Variants in ST8SIA6 observed in about 807,000 individuals in gnomAD.
ST8SIA6 encodes ST8 alpha-N-acetyl-neuraminide alpha-2,8-sialyltransferase 6.
Under a neutral mutation model 33.6 loss-of-function variants are expected in ST8SIA6, and 39 were observed. That is an observed-to-expected ratio of 1.16 (90% CI 0.90 to 1.52). The LOEUF (loss-of-function observed/expected upper bound fraction) is 1.52. Among genes scored for constraint, ST8SIA6 ranks in the 40% most tolerant of loss-of-function variants. ST8SIA6 has a pLI of 0.00. For synonymous variants in ST8SIA6, 172 were observed against 167.2 expected (o/e 1.03, Z -0.22); for missense variants, 441 against 443.8 (o/e 0.99, Z 0.06).
intron 4 of ST8SIA6, among the ~76,000 whole-genome samples, chr10:17,349,230 A>T (rs1361335334): frequency 6.6e-6 from 1 of 152,224 alleles, no homozygotes; most frequent in Non-Finnish European, 1.5e-5. Flanking sequence ...AACGTGGTAT[A>T]ATCCATATGA....
At chr10:17,361,791 T>C (rs187482426) in intron 3 of ST8SIA6, among the ~76,000 whole-genome samples, 101 of 151,320 alleles carry the variant, frequency 6.7e-4, no homozygotes, top group South Asian at 1.3e-3. Context: ...TATTATTGAA[T>C]TGAATCCAAC....
intron 3 of ST8SIA6, among the ~76,000 whole-genome samples, chr10:17,380,869 G>T (rs1320285366): frequency 1.4e-5 from 2 of 141,736 alleles, no homozygotes; most frequent in African/African-American, 5.2e-5. Flanking sequence ...GTATGTGTTT[G>T]TATGTGTACA....
intron 2 of ST8SIA6, among the ~76,000 whole-genome samples, chr10:17,414,970 G>A (rs1041877800): frequency 1.3e-5 from 2 of 151,840 alleles, no homozygotes; most frequent in African/African-American, 2.4e-5. Context: ...GCTCCTGCCC[G>A]TCTCACTTTC....
At chr10:17,352,109 C>A (rs1849051732) in intron 4 of ST8SIA6, among the ~76,000 whole-genome samples, 1 of 151,676 alleles carries the variant, frequency 6.6e-6, no homozygotes, top group African/African-American at 2.4e-5. Flanking sequence ...ATAATTATTC[C>A]ACAGTGTATG....
At chr10:17,414,219 T>C (rs188704155) in intron 2 of ST8SIA6, among the ~76,000 whole-genome samples, 163 of 152,368 alleles carry the variant, frequency 1.1e-3, no homozygotes, top group Non-Finnish European at 1.9e-3. Context: ...AGAGAAACTC[T>C]CCTGAATGAT....
At chr10:17,321,387 TAATC>T (rs770435972) in intron 7 of ST8SIA6, 41 bp from the exon 8 acceptor site, 5 of 1,482,360 alleles carry the variant, frequency 3.4e-6, no homozygotes, top group Non-Finnish European at 4.5e-6. Context: ...CCAAGAATAA[TAATC>T]AAAGTAGCAG....
intron 4 of ST8SIA6, among the ~76,000 whole-genome samples, chr10:17,353,860 C>T (rs1849108735): frequency 6.6e-6 from 1 of 151,990 alleles, no homozygotes; most frequent in South Asian, 2.1e-4. Flanking sequence ...CTGACGATGT[C>T]TATAAAAATC....
intron 4 of ST8SIA6, among the ~76,000 whole-genome samples, chr10:17,347,672 G>T (rs1848880799): frequency 6.6e-6 from 1 of 151,950 alleles, no homozygotes. Flanking sequence ...CCCTCCAGGG[G>T]TCTAATTGCA....
chr10:17,450,063 C>T (rs112770155), intron 2 of ST8SIA6, among the ~76,000 whole-genome samples: 1,706 of 152,170 alleles, frequency 0.011, 26 homozygotes, highest in African/African-American at 0.039. Flanking sequence ...TTAGATGAGG[C>T]CCAGAAATAG....
At chr10:17,397,233 G>T (rs10904947) in intron 2 of ST8SIA6, among the ~76,000 whole-genome samples, 42,663 of 124,008 alleles carry the variant, frequency 0.34, 8,026 homozygotes, top group East Asian at 0.58. Context: ...ATTGTTTTTT[G>T]TTTTTTTTTT....
intron 5 of ST8SIA6, among the ~76,000 whole-genome samples, chr10:17,329,569 C>T (rs1485469257): frequency 6.6e-6 from 1 of 152,058 alleles, no homozygotes; most frequent in Non-Finnish European, 1.5e-5. Flanking sequence ...ATGGTGCCAC[C>T]ATAAATTCTG....
intron 3 of ST8SIA6, among the ~76,000 whole-genome samples, chr10:17,375,100 C>T (rs1027689113): frequency 6.6e-6 from 1 of 151,934 alleles, no homozygotes; most frequent in African/African-American, 2.4e-5. Context: ...CCATGCCCAG[C>T]TCTGGAACTC....
rs1847784772 is a variant in ST8SIA6, at chr10:17,316,580, A to G, written c.*4298T>C. 6.6e-6 allele frequency among the ~76,000 whole-genome samples: 1 copy of G among 152,010 alleles called. No homozygotes were observed. Among genetic ancestry groups the G allele is most frequent in the Admixed American group, 6.6e-5 (1 of 15,232 alleles). ...ATATGATGAATTTTACTAACTCAGTACTCCTAGGTTGCTTTCCAAAATGAT... is the reference window on the plus strand; with the variant it reads ...ATATGATGAATTTTACTAACTCAGTGCTCCTAGGTTGCTTTCCAAAATGAT... On this transcript the variant is annotated 3_prime_UTR_variant, in exon 8 of 8. Transcript: ENST00000377602.
At chr10:17,424,082 C>T (rs1029791886) in intron 2 of ST8SIA6, among the ~76,000 whole-genome samples, 2 of 151,990 alleles carry the variant, frequency 1.3e-5, no homozygotes, top group African/African-American at 2.4e-5. Flanking sequence ...TACCTTTGAC[C>T]TCTATAACAT....
intron 2 of ST8SIA6, among the ~76,000 whole-genome samples, chr10:17,420,166 C>A (rs1399272033): frequency 6.6e-6 from 1 of 152,254 alleles, no homozygotes; most frequent in Admixed American, 6.5e-5. Context: ...GTAATCCCAG[C>A]ACTTTCGGAG....
intron 3 of ST8SIA6, among the ~76,000 whole-genome samples, chr10:17,365,465 G>C (rs924068305): frequency 2.0e-5 from 3 of 152,264 alleles, no homozygotes; most frequent in African/African-American, 4.8e-5. Context: ...GAACCTTCCA[G>C]AAATAAACAA....
chr10:17,437,733 CCTTTCTCT>C (rs981427269), intron 2 of ST8SIA6, among the ~76,000 whole-genome samples: 1 of 150,266 alleles, frequency 6.7e-6, no homozygotes, highest in African/African-American at 2.5e-5. Context: ...CCCTTCCCTC[CCTTTCTCT>C]CTTTCTCTCT....
chr10:17,362,756 G>A (rs946229131), intron 3 of ST8SIA6, among the ~76,000 whole-genome samples: 1 of 152,128 alleles, frequency 6.6e-6, no homozygotes. Context: ...TTGTTGCCCA[G>A]GCTGGAGTGC....
At position 17,359,542 on chromosome 10, in the gene ST8SIA6, G is replaced by A. The variant is rs376751437; in HGVS notation, c.349C>T (p.Arg117Trp). 59 of 1,605,858 alleles carry A rather than the reference G, an allele frequency of 3.7e-5. No homozygotes were observed. The Admixed American group carries it at 6.3e-4, about 17-fold the overall frequency. The change falls in exon 4 of 8, where the codon CGG (arginine) becomes TGG (tryptophan). Residue 117 changes from arginine to tryptophan, a missense_variant. Physicochemically the swap from Arg to Trp is moderately radical, Grantham distance 101. Transcript: ENST00000377602. The stretch of plus-strand genomic sequence containing the variant: ...AAATTTGCATATTCTTCTGCTTGCC[G>A]TTTCCATGGACAACTCTGTATATCT... ...ITDIQSCPWK[R>W]QAEEYANFRA...
Sources: gnomAD v4.1 joint callset for allele counts (sites outside exome capture counted in the v4.1 genomes callset) on GRCh38, gnomAD v4.1.1 for gene constraint, MANE v1.5 for transcripts, NCBI Gene and HGNC (gene_info 2026-07-23, HGNC 2026-07-21) for gene names.